TXNL4A: variants seen among roughly 807,000 people sequenced by gnomAD.
TXNL4A encodes the protein thioredoxin-like protein 4A.
TXNL4A carries 17 observed loss-of-function variants against 14.6 expected under a neutral mutation model. The ratio of observed to expected loss-of-function variants is 1.16; its 90% CI spans 0.80 to 1.74. The LOEUF is 1.74. TXNL4A is among the 40% of genes most tolerant of loss of function. The pLI, the probability that TXNL4A is intolerant of heterozygous loss-of-function variation, is 0.00. For missense variants in TXNL4A, 74 were observed against 195.2 expected (o/e 0.38, Z 3.70); for synonymous variants, 83 against 70.6 (o/e 1.18, Z -0.88).
At chr18:79,996,216 G>C (rs577766108) in intron 1 of TXNL4A, among the ~76,000 whole-genome samples, 1 of 151,528 alleles carries the variant, frequency 6.6e-6, no homozygotes, top group Non-Finnish European at 1.5e-5. Context: ...GGTGCTCTGA[G>C]AAAGTACAGG....
chr18:80,014,101 T>G (rs1346799055), intron 1 of TXNL4A, among the ~76,000 whole-genome samples: 1 of 151,970 alleles, frequency 6.6e-6, no homozygotes, highest in African/African-American at 2.4e-5. Flanking sequence ...TCCCACAACA[T>G]GTAGGAATTC....
intron 1 of TXNL4A, among the ~76,000 whole-genome samples, chr18:80,018,447 C>T (rs1476826775): frequency 6.6e-6 from 1 of 152,130 alleles, no homozygotes; most frequent in East Asian, 1.9e-4. Context: ...AGAGCAAACA[C>T]ATTCAAAAGC....
intron 1 of TXNL4A, among the ~76,000 whole-genome samples, chr18:80,001,003 C>T (rs2051695125): frequency 6.6e-6 from 1 of 152,212 alleles, no homozygotes; most frequent in Admixed American, 6.5e-5. Flanking sequence ...CAGAGACATT[C>T]GTGGCAGCCC....
At chr18:80,031,470 C>T (rs2051921059) in intron 1 of TXNL4A, among the ~76,000 whole-genome samples, 1 of 152,208 alleles carries the variant, frequency 6.6e-6, no homozygotes, top group African/African-American at 2.4e-5. Context: ...AATTCAGACC[C>T]TGCCAAAAAC....
chr18:79,981,074 A>C (rs1324850413), intron 1 of TXNL4A, among the ~76,000 whole-genome samples: 1 of 152,248 alleles, frequency 6.6e-6, no homozygotes, highest in Non-Finnish European at 1.5e-5. Context: ...ACAGAAGCTA[A>C]AATAAATACA....
chr18:80,016,705 C>G (rs1233896862), intron 1 of TXNL4A, among the ~76,000 whole-genome samples: 4 of 151,954 alleles, frequency 2.6e-5, no homozygotes, highest in Non-Finnish European at 5.9e-5. Context: ...GGGCTCTGTT[C>G]TGTTCCATTG....
At chr18:80,018,805 G>T (rs909887456) in intron 1 of TXNL4A, among the ~76,000 whole-genome samples, 6 of 152,154 alleles carry the variant, frequency 3.9e-5, no homozygotes, top group African/African-American at 1.4e-4. Context: ...GCTTTGCTTA[G>T]AAATTTCTTC....
chr18:80,024,160 G>C (rs2051868393), intron 1 of TXNL4A, among the ~76,000 whole-genome samples: 1 of 151,550 alleles, frequency 6.6e-6, no homozygotes, highest in Non-Finnish European at 1.5e-5. Context: ...TTTCTCAGCT[G>C]GGGGGGTCTG....
chr18:80,032,103 C>A (rs2051925107), intron 1 of TXNL4A, among the ~76,000 whole-genome samples: 1 of 152,206 alleles, frequency 6.6e-6, no homozygotes, highest in African/African-American at 2.4e-5. Flanking sequence ...TGCTATAAGT[C>A]TGGCCTAGGT....
At chr18:80,017,813 T>C (rs1375839204) in intron 1 of TXNL4A, among the ~76,000 whole-genome samples, 3 of 152,238 alleles carry the variant, frequency 2.0e-5, no homozygotes, top group African/African-American at 7.2e-5. Context: ...CGGATATTGG[T>C]CTAAAATTCT....
At chr18:80,022,761 T>C (rs536826455) in intron 1 of TXNL4A, among the ~76,000 whole-genome samples, 2 of 152,322 alleles carry the variant, frequency 1.3e-5, no homozygotes, top group African/African-American at 2.4e-5. Flanking sequence ...GGTGTTGCCC[T>C]TTTGCCCTTC....
chr18:80,009,958 T>C (rs2051759234), intron 1 of TXNL4A, among the ~76,000 whole-genome samples: 2 of 152,176 alleles, frequency 1.3e-5, no homozygotes, highest in African/African-American at 4.8e-5. Flanking sequence ...GTGCCATGTG[T>C]GAGCCCACTC....
At chr18:80,021,888 G>A (rs1426184913) in intron 1 of TXNL4A, among the ~76,000 whole-genome samples, 6 of 152,226 alleles carry the variant, frequency 3.9e-5, no homozygotes, top group South Asian at 2.1e-4. Context: ...CAATTTTCCC[G>A]TGACTTGTCC....
chr18:79,979,918 T>C (rs1033479810), intron 1 of TXNL4A, among the ~76,000 whole-genome samples: 1 of 152,198 alleles, frequency 6.6e-6, no homozygotes, highest in Non-Finnish European at 1.5e-5. Flanking sequence ...CACTTACATG[T>C]GTTATGAGTT....
Position 79,973,390 on chromosome 18 carries a change from T to C in TXNL4A, c.*295A>G, listed in dbSNP as rs1381483061. On this transcript the variant is annotated 3_prime_UTR_variant, in exon 3 of 3. Coordinates refer to ENST00000269601, the MANE Select transcript of TXNL4A (RefSeq NM_006701.5). Reference sequence around the variant, plus strand: ...GCAGCCCCAGCAAACCAACCCAGTATGCAAAACGCACAGGCTCACAGGATA... The same window carrying C: ...GCAGCCCCAGCAAACCAACCCAGTACGCAAAACGCACAGGCTCACAGGATA... 1 of 300,004 alleles carries C rather than the reference T, an allele frequency of 3.3e-6. No individual in the cohort carries two copies. Among genetic ancestry groups the C allele is most frequent in the African/African-American group, 2.2e-5 (1 of 46,244 alleles). The allele number at this position is 300,004 out of a possible 1,614,324, so 18.6% of individuals were successfully genotyped here.
chr18:80,025,066 C>T (rs1252600367), intron 1 of TXNL4A, among the ~76,000 whole-genome samples: 1 of 152,146 alleles, frequency 6.6e-6, no homozygotes. Context: ...ATAACTAAAG[C>T]AGATTCTAAG....
intron 1 of TXNL4A, among the ~76,000 whole-genome samples, chr18:80,029,142 A>C (rs1206097903): frequency 1.3e-5 from 2 of 152,230 alleles, no homozygotes; most frequent in Admixed American, 1.3e-4. Flanking sequence ...GTGTGGACCT[A>C]ATAACCATTA....
intron 1 of TXNL4A, among the ~76,000 whole-genome samples, chr18:79,995,868 T>C (rs1019830736): frequency 2.0e-5 from 3 of 152,020 alleles, no homozygotes; most frequent in South Asian, 4.1e-4. Flanking sequence ...TTTGGGAGGC[T>C]GAGGCGGGCA....
At chr18:79,997,048 A>G (rs1214247859) in intron 1 of TXNL4A, among the ~76,000 whole-genome samples, 2 of 152,308 alleles carry the variant, frequency 1.3e-5, no homozygotes, top group East Asian at 3.9e-4. Context: ...AGGAAATACT[A>G]GAAGAGAAGA....
Sources: gnomAD v4.1 joint callset for allele counts (sites outside exome capture counted in the v4.1 genomes callset) on GRCh38, gnomAD v4.1.1 for gene constraint, MANE v1.5 for transcripts, NCBI Gene and HGNC (gene_info 2026-07-23, HGNC 2026-07-21) for gene names.